The following GAK variants were observed in gnomAD, a reference collection of about 807,000 sequenced individuals.
GAK encodes cyclin-G-associated kinase.
GAK carries 79 observed loss-of-function variants against 143.9 expected under a neutral mutation model. That is an observed-to-expected ratio of 0.55 (90% CI 0.46 to 0.66). The LOEUF (loss-of-function observed/expected upper bound fraction) is 0.66, where lower values mean the gene tolerates loss of function less well. GAK is among the 30% of genes least tolerant of loss of function. GAK has a pLI of 0.00. For synonymous variants in GAK, 881 were observed against 765.5 expected (o/e 1.15, Z -2.49); for missense variants, 1,693 against 1,779.7 (o/e 0.95, Z 0.88).
At position 905,115 on chromosome 4, in the gene GAK, G is replaced by A. The variant is rs374453570; in HGVS notation, c.383-336C>T. On this transcript the variant is annotated intron_variant, in intron 4 of 27. Coordinates refer to ENST00000314167, the MANE Select transcript of GAK (RefSeq NM_005255.4). ...TAGGCTGATGGCGGGCTACCACTTC[G>A]TTTACATGAGGTGAGCACAAAGTGG... Among the ~76,000 whole-genome samples the A allele has an allele frequency of 2.0e-3, 308 of 152,204 alleles. 13 individuals are homozygous for A. The South Asian group carries it at 0.059, about 29-fold the overall frequency.
intron 23 of GAK, among the ~76,000 whole-genome samples, chr4:863,255 G>C (rs2152731172): frequency 6.6e-6 from 1 of 152,338 alleles, no homozygotes; most frequent in East Asian, 1.9e-4. Context: ...CTGCAGATGG[G>C]ACCGAATTAC....
chr4:874,134 T>TGTGC (rs1491437444), intron 18 of GAK, among the ~76,000 whole-genome samples: 27 of 151,908 alleles, frequency 1.8e-4, no homozygotes, highest in Non-Finnish European at 3.2e-4. Flanking sequence ...TGTGTGTGTG[T>TGTGC]GCGCGCTGGT....
At chr4:880,353 T>A (rs1714843148) in intron 15 of GAK, among the ~76,000 whole-genome samples, 1 of 152,242 alleles carries the variant, frequency 6.6e-6, no homozygotes, top group Admixed American at 6.5e-5. Context: ...TGCATGAGCG[T>A]CCTCAGCACA....
intron 23 of GAK, 102 bp from the exon 24 acceptor site, chr4:859,824 C>A: frequency 1.2e-6 from 1 of 828,892 alleles, no homozygotes; most frequent in South Asian, 1.7e-5. Flanking sequence ...CAGCCTCACT[C>A]CTGCCTGAGA....
At chr4:919,751 G>A (rs1306203619) in intron 1 of GAK, among the ~76,000 whole-genome samples, 2 of 152,156 alleles carry the variant, frequency 1.3e-5, no homozygotes, top group East Asian at 1.9e-4. Flanking sequence ...CACACTACTC[G>A]GATACCTGTT....
intron 25 of GAK, chr4:851,384 C>T: frequency 2.1e-6 from 1 of 465,630 alleles, no homozygotes; most frequent in East Asian, 4.1e-5. Flanking sequence ...GCGTGAGCCA[C>T]AAAGCCCAGT....
intron 5 of GAK, 107 bp from the exon 6 acceptor site, chr4:898,265 C>T: frequency 7.4e-7 from 1 of 1,348,070 alleles, no homozygotes; most frequent in African/African-American, 1.4e-5. Flanking sequence ...GCAGACAGCA[C>T]TCGCCCAGGG....
rs766540993 is a variant in GAK, at chr4:868,634, C to T, written c.2300G>A (p.Gly767Glu). Residue 767 changes from glycine (G) to glutamate (E), a missense_variant, in exon 20 of 28, where the codon GGG (glycine) becomes GAG (glutamate). Physicochemically the swap from Gly to Glu is moderately conservative, Grantham distance 98. This residue lies in a region of GAK where 822 missense variants were observed against 788.7 expected (regional missense o/e 1.04). Transcript: ENST00000314167. ...QPGSTAQYDAGAGSPEAEPTD... is the reference protein window; with the variant it reads ...QPGSTAQYDAEAGSPEAEPTD... ...GGGTTCGGCTTCCGGGGACCCTGCC[C>T]CAGCATCATACTGAGCCGTGGAGCC... 1.5e-5 allele frequency: 24 copies of T among 1,570,122 alleles called. No individual in the cohort carries two copies. Among genetic ancestry groups the T allele is most frequent in the Admixed American group, 1.3e-4 (7 of 53,510 alleles).
rs1718210136 is a variant in GAK at position 893,976 on chromosome 4, G to A, written c.775C>T (p.Arg259Trp). 5.6e-6 allele frequency: 9 copies of A among 1,611,470 alleles called. No homozygotes were observed. Among genetic ancestry groups the A allele is most frequent in the African/African-American group, 2.7e-5 (2 of 74,906 alleles). Reference sequence around the variant, plus strand: ...GCTCCATCCTCAAAAGGGTGCTGCCGGAAGCACAGCAGGTACAAGATGCAG... The same window carrying A: ...GCTCCATCCTCAAAAGGGTGCTGCCAGAAGCACAGCAGGTACAAGATGCAG... ...LGCILYLLCF[R>W]QHPFEDGAKL... is the part of the protein sequence containing the mutation. Residue 259 changes from arginine (R) to tryptophan (W), a missense_variant, in exon 8 of 28, where the codon CGG becomes TGG. Arg to Trp is a moderately radical substitution (Grantham distance 101). Transcript: ENST00000314167.
intron 17 of GAK, among the ~76,000 whole-genome samples, 156 bp from the exon 18 acceptor site, chr4:876,765 G>A (rs1713985935): frequency 6.6e-6 from 1 of 152,242 alleles, no homozygotes; most frequent in Non-Finnish European, 1.5e-5. Flanking sequence ...GGAAGCGGGA[G>A]AGGGTCTGTG....
At chr4:863,843 T>C (rs1750696594) in intron 23 of GAK, among the ~76,000 whole-genome samples, 1 of 150,634 alleles carries the variant, frequency 6.6e-6, no homozygotes, top group African/African-American at 2.5e-5. Flanking sequence ...ACCAACATAG[T>C]GAAACCTCAT....
chr4:877,544 G>A lies in GAK; in HGVS notation c.1856+71C>T, dbSNP rs569497355. The A allele has an allele frequency of 1.2e-5, 17 of 1,467,140 alleles. No homozygotes were observed. In the African/African-American group the frequency reaches 1.4e-4, roughly 12 times the overall value. The allele number at this position is 1,467,140 out of a possible 1,614,324, so 90.9% of individuals were successfully genotyped here. ...AAGCGCCTGTCCCCGGCAAGGCCAGGGTTCCTCTTTAACGGTTTTCCGGAG... is the reference window on the plus strand; with the variant it reads ...AAGCGCCTGTCCCCGGCAAGGCCAGAGTTCCTCTTTAACGGTTTTCCGGAG... On this transcript the variant is annotated intron_variant, in intron 16 of 27. Coordinates refer to ENST00000314167, the MANE Select transcript of GAK (RefSeq NM_005255.4).
chr4:909,423 G>A (rs1721640259), intron 4 of GAK, among the ~76,000 whole-genome samples: 1 of 152,096 alleles, frequency 6.6e-6, no homozygotes, highest in South Asian at 2.1e-4. Context: ...GAGCCTTGAC[G>A]AGGCCCCGGT....
Position 850,081 on chromosome 4 carries a change from C to A in GAK, c.3658-13G>T. On this transcript the variant is annotated splice_polypyrimidine_tract_variant and intron_variant, in intron 26 of 27. Coordinates refer to ENST00000314167, the MANE Select transcript of GAK (RefSeq NM_005255.4). ...TCCAGTCCAGGAGCTGCGGGAGACA[C>A]GGAGCTTGCCGAGCCCTGGGCACCT... 1 of 1,551,130 alleles carries A rather than the reference C, an allele frequency of 6.4e-7. No homozygotes were observed. Among genetic ancestry groups the A allele is most frequent in the South Asian group, 1.2e-5 (1 of 85,776 alleles).
intron 5 of GAK, among the ~76,000 whole-genome samples, chr4:900,023 C>T (rs1025830992): frequency 5.3e-5 from 8 of 152,258 alleles, no homozygotes; most frequent in African/African-American, 1.9e-4. Context: ...CCTCACAGGA[C>T]GCCCAGAGAA....
intron 1 of GAK, among the ~76,000 whole-genome samples, chr4:917,017 T>C (rs1313490018): frequency 6.6e-6 from 1 of 152,138 alleles, no homozygotes; most frequent in East Asian, 1.9e-4. Context: ...TGCTGTTACA[T>C]GCAACAACAT....
intron 24 of GAK, among the ~76,000 whole-genome samples, chr4:858,744 T>A (rs1394233465): frequency 1.3e-5 from 2 of 150,570 alleles, no homozygotes; most frequent in Non-Finnish European, 3.0e-5. Flanking sequence ...CGGGAGAGAG[T>A]GAGGACTCGA....
Position 881,958 on chromosome 4 carries a change from T to C in GAK, c.1610A>G (p.Tyr537Cys). The change falls in exon 15 of 28, where the codon TAC (tyrosine) becomes TGC (cysteine). Residue 537 changes from tyrosine (Y) to cysteine (C), a missense_variant. Physicochemically the swap from Tyr to Cys is radical, Grantham distance 194. Transcript: ENST00000314167. ...RLFSTAEAAVYMFSMKRCPPG... is the reference protein window; with the variant it reads ...RLFSTAEAAVCMFSMKRCPPG... ...TGGGCAGCGCTTCATGCTGAACATGTACACGGCGGCCTCCGCGGTGCTGAA... is the reference window on the plus strand; with the variant it reads ...TGGGCAGCGCTTCATGCTGAACATGCACACGGCGGCCTCCGCGGTGCTGAA... The C allele has an allele frequency of 6.2e-7, 1 of 1,600,506 alleles. No individual in the cohort carries two copies. The highest frequency in any genetic ancestry group is 8.5e-7 in the Non-Finnish European group (1 of 1,173,756).
intron 11 of GAK, chr4:884,329 G>C (rs1715807296): frequency 1.9e-6 from 1 of 527,978 alleles, no homozygotes; most frequent in South Asian, 2.2e-5. Flanking sequence ...GGAGGCATGG[G>C]TGAGACAGGA....
Sources: allele counts gnomAD v4.1 joint callset (sites outside exome capture counted in the v4.1 genomes callset), GRCh38; gene constraint gnomAD v4.1.1; regional missense constraint gnomAD v4.1.1; transcripts MANE v1.5; gene names NCBI Gene and HGNC (gene_info 2026-07-23, HGNC 2026-07-21).